Variants in ZRANB3 observed in about 807,000 individuals in gnomAD.
ZRANB3 encodes DNA annealing helicase and endonuclease ZRANB3.
In ZRANB3, 125 loss-of-function variants were observed where a neutral mutation model predicts 133.8. That is an observed-to-expected ratio of 0.93 (90% CI 0.81 to 1.08). The LOEUF (loss-of-function observed/expected upper bound fraction) is 1.08, where lower values mean the gene tolerates loss of function less well. Among genes scored for constraint, ZRANB3 ranks in the 50% least tolerant of loss-of-function variants. The probability of loss-of-function intolerance (pLI) is 0.00; values close to 1 mark genes in which losing one functional copy is unlikely to be tolerated. For synonymous variants in ZRANB3, 387 were observed against 432.7 expected (o/e 0.89, Z 1.31); for missense variants, 1,229 against 1,275.5 (o/e 0.96, Z 0.56).
chr2:135,296,144 G>T (rs951433570), intron 8 of ZRANB3, among the ~76,000 whole-genome samples: 1 of 152,196 alleles, frequency 6.6e-6, no homozygotes, highest in Non-Finnish European at 1.5e-5. Context: ...GATTGGGGAA[G>T]TTCTCCTGGA....
chr2:135,378,028 A>G (rs188424608), intron 3 of ZRANB3, among the ~76,000 whole-genome samples: 6 of 152,296 alleles, frequency 3.9e-5, no homozygotes, highest in Non-Finnish European at 1.5e-5. Flanking sequence ...TTGGACTCCC[A>G]AGTTCTTCAG....
At chr2:135,290,253 T>C (rs2104792958) in intron 8 of ZRANB3, among the ~76,000 whole-genome samples, 1 of 152,330 alleles carries the variant, frequency 6.6e-6, no homozygotes, top group Non-Finnish European at 1.5e-5. Context: ...TAGTAGTAAT[T>C]GTTTCAAAAG....
At chr2:135,428,928 C>T (rs1264518868) in intron 2 of ZRANB3, among the ~76,000 whole-genome samples, 1 of 152,108 alleles carries the variant, frequency 6.6e-6, no homozygotes, top group Non-Finnish European at 1.5e-5. Context: ...ATTTATACAC[C>T]GCTTGTGGGA....
chr2:135,439,509 A>T (rs534873393), intron 2 of ZRANB3, among the ~76,000 whole-genome samples: 5 of 152,322 alleles, frequency 3.3e-5, no homozygotes, highest in South Asian at 2.1e-4. Flanking sequence ...CACTAAAAAA[A>T]AATTTTGGTC....
At chr2:135,426,033 C>T (rs569200906) in intron 2 of ZRANB3, among the ~76,000 whole-genome samples, 15 of 152,080 alleles carry the variant, frequency 9.9e-5, no homozygotes, top group African/African-American at 3.4e-4. Flanking sequence ...CACACATACA[C>T]AAAAAACCCT....
intron 2 of ZRANB3, among the ~76,000 whole-genome samples, chr2:135,464,353 G>A (rs1690891357): frequency 1.3e-5 from 2 of 152,116 alleles, no homozygotes; most frequent in East Asian, 1.9e-4. Flanking sequence ...GTGGTGGCAG[G>A]TGAAGCAATG....
intron 9 of ZRANB3, among the ~76,000 whole-genome samples, chr2:135,272,413 G>GTTTTTTTTTT (rs1558877433): frequency 2.7e-5 from 3 of 109,912 alleles, no homozygotes; most frequent in African/African-American, 1.1e-4. Flanking sequence ...GGAAAATAGA[G>GTTTTTTTTTT]CTTTTTTTTT....
chr2:135,281,447 C>G (rs542344946), intron 8 of ZRANB3, among the ~76,000 whole-genome samples: 2 of 151,994 alleles, frequency 1.3e-5, no homozygotes, highest in South Asian at 4.2e-4. Flanking sequence ...GCAAATGATT[C>G]TGACTAATAT....
chr2:135,305,116 T>C (rs1158787480), intron 8 of ZRANB3, among the ~76,000 whole-genome samples: 1 of 152,166 alleles, frequency 6.6e-6, no homozygotes, highest in African/African-American at 2.4e-5. Context: ...TAGCTGTGAT[T>C]ACAGGTGTGT....
chr2:135,207,827 A>G lies in ZRANB3; in HGVS notation c.2616T>C (p.Leu872=). The change falls in exon 19 of 21, where the codon CTT becomes CTC. Residue 872 remains leucine, a synonymous_variant. Coordinates refer to ENST00000264159, the MANE Select transcript of ZRANB3 (RefSeq NM_032143.4). ...GAAATGGGACACAGGCTCCATCTTCAAGAAGTTTTCTACAATTGATAAAAA... is the reference window on the plus strand; with the variant it reads ...GAAATGGGACACAGGCTCCATCTTCGAGAAGTTTTCTACAATTGATAAAAA... ...RPRDPFTKKL[L]EDGACVPFLN... 6.3e-7 allele frequency: 1 copy of G among 1,591,044 alleles called. No homozygotes were observed. The highest frequency in any genetic ancestry group is 8.6e-7 in the Non-Finnish European group (1 of 1,162,936).
At chr2:135,462,006 G>A (rs1210609076) in intron 2 of ZRANB3, among the ~76,000 whole-genome samples, 1 of 152,204 alleles carries the variant, frequency 6.6e-6, no homozygotes, top group East Asian at 1.9e-4. Context: ...GTGCGGGATA[G>A]AGTTGGACTA....
At chr2:135,453,720 T>A (rs1423475102) in intron 2 of ZRANB3, among the ~76,000 whole-genome samples, 2 of 152,218 alleles carry the variant, frequency 1.3e-5, no homozygotes, top group Non-Finnish European at 2.9e-5. Context: ...ATTGTTCATA[T>A]AACTATCAGC....
chr2:135,303,524 A>G lies in ZRANB3; in HGVS notation c.966+9965T>C, dbSNP rs78389026. On this transcript the variant is annotated intron_variant, in intron 8 of 20. Coordinates refer to ENST00000264159, the MANE Select transcript of ZRANB3 (RefSeq NM_032143.4). ...TCCTTTCTTAACAGATCAACTGACA[A>G]TCTATGTGAGGTTCTATTTCTGGAC... Among the ~76,000 whole-genome samples, 1,250 of 152,204 alleles carry G rather than the reference A, an allele frequency of 8.2e-3. 14 individuals carry two copies. Among genetic ancestry groups the G allele is most frequent in the African/African-American group, 0.028 (1,166 of 41,532 alleles).
At chr2:135,522,906 G>A (rs1226378130) in intron 1 of ZRANB3, among the ~76,000 whole-genome samples, 1 of 152,144 alleles carries the variant, frequency 6.6e-6, no homozygotes, top group African/African-American at 2.4e-5. Flanking sequence ...ATTTTACAAA[G>A]ATTACCTTGT....
chr2:135,374,501 CTT>C (rs548112054), intron 3 of ZRANB3, among the ~76,000 whole-genome samples: 24 of 139,960 alleles, frequency 1.7e-4, no homozygotes, highest in Admixed American at 2.2e-4. Flanking sequence ...TAAAACATAT[CTT>C]TTTTTTTTTT....
At chr2:135,230,280 T>C (rs1694938833) in intron 13 of ZRANB3, among the ~76,000 whole-genome samples, 1 of 152,240 alleles carries the variant, frequency 6.6e-6, no homozygotes, top group East Asian at 1.9e-4. Flanking sequence ...TTGTGCCAAA[T>C]TAATGCCATA....
intron 12 of ZRANB3, among the ~76,000 whole-genome samples, chr2:135,263,136 T>C (rs1354885592): frequency 6.6e-6 from 1 of 152,218 alleles, no homozygotes; most frequent in Non-Finnish European, 1.5e-5. Flanking sequence ...ACCAATTTTA[T>C]AAATTTGATA....
At position 135,347,295 on chromosome 2, in the gene ZRANB3, T is replaced by TC. The variant is rs1491140361; in HGVS notation, c.592-1661_592-1660insG. Among the ~76,000 whole-genome samples the TC allele has an allele frequency of 2.7e-4, 12 of 44,926 alleles. No homozygotes were observed. The African/African-American group carries it at 0.011, about 40-fold the overall frequency. The allele number at this position is 44,926 out of a possible 152,430, so 29.5% of individuals were successfully genotyped here. On this transcript the variant is annotated intron_variant, in intron 5 of 20. Coordinates refer to ENST00000264159, the MANE Select transcript of ZRANB3 (RefSeq NM_032143.4). ...TGGTGAGAATTTGTTTTCAGTTCTC[T>TC]TTTTTTTTTTTTTTTGAGACGGAGT...
chr2:135,491,356 A>T (rs1351626271), intron 2 of ZRANB3, among the ~76,000 whole-genome samples: 1 of 151,754 alleles, frequency 6.6e-6, no homozygotes, highest in Non-Finnish European at 1.5e-5. Flanking sequence ...AAATTAATTT[A>T]TTTTTTTTGA....
Sources: allele counts gnomAD v4.1 joint callset (sites outside exome capture counted in the v4.1 genomes callset), GRCh38; gene constraint gnomAD v4.1.1; transcripts MANE v1.5; gene names NCBI Gene and HGNC (gene_info 2026-07-23, HGNC 2026-07-21).